TMEM131: variants seen among roughly 807,000 people sequenced by gnomAD.
TMEM131 encodes 2610524E03Rik.
TMEM131 carries 66 observed loss-of-function variants against 211.6 expected under a neutral mutation model. The ratio of observed to expected loss-of-function variants is 0.31; its 90% CI spans 0.26 to 0.38. The LOEUF is 0.38. TMEM131 is among the 10% of genes least tolerant of loss of function. The pLI is 1.00. For missense variants in TMEM131, 2,036 were observed against 2,299.3 expected (o/e 0.89, Z 2.34); for synonymous variants, 844 against 841.3 (o/e 1.00, Z -0.06).
chr2:97,765,970 T>C, intron 35 of TMEM131, 144 bp downstream of exon 35: 2 of 983,976 alleles, frequency 2.0e-6, no homozygotes, highest in Non-Finnish European at 3.0e-6. Context: ...AGCCACTGAT[T>C]AGGCTAGTTA....
At chr2:97,889,055 A>G (rs1224607934) in intron 3 of TMEM131, among the ~76,000 whole-genome samples, 1 of 152,220 alleles carries the variant, frequency 6.6e-6, no homozygotes, top group Non-Finnish European at 1.5e-5. Context: ...AAATAATTAG[A>G]AATAGACAAG....
intron 1 of TMEM131, among the ~76,000 whole-genome samples, chr2:97,970,065 T>C (rs947685016): frequency 5.9e-5 from 9 of 152,230 alleles, no homozygotes; most frequent in Admixed American, 5.2e-4. Context: ...TCCAGAAACG[T>C]GCTATTGTGA....
intron 5 of TMEM131, among the ~76,000 whole-genome samples, chr2:97,857,388 T>G (rs1180568257): frequency 2.0e-5 from 3 of 152,124 alleles, no homozygotes; most frequent in African/African-American, 7.2e-5. Context: ...AGTTTAAGAA[T>G]CTGTTTGCAA....
At chr2:97,943,037 A>AAAAGAAAAGAAAAGAAAAGAAAAG (rs1559464422) in intron 1 of TMEM131, among the ~76,000 whole-genome samples, 10 of 66,050 alleles carry the variant, frequency 1.5e-4, no homozygotes, top group South Asian at 5.0e-4. Flanking sequence ...AAAAGAAAAG[A>AAAAGAAAAGAAAAGAAAAGAAAAG]AAAGAAAGAA....
rs1348470611 is a variant in TMEM131 at position 97,995,587 on chromosome 2, C to G, written c.76G>C (p.Glu26Gln). ...CCCCCGCTACGGGCGGCCGCAGGTT[C>G]CAGCCCGGCCCCGGCGGACGTGGAG... ...AVSTSAGAGL[E>Q]PAAARSGGPR... Residue 26 changes from glutamate to glutamine, a missense_variant, in exon 1 of 41, where the codon GAA becomes CAA. Around this residue, in one of 3 missense-constraint regions of TMEM131, gnomAD observed 136 missense variants for 115.4 expected, o/e 1.18. Transcript: ENST00000186436. The G allele has an allele frequency of 3.1e-6, 4 of 1,274,006 alleles. No homozygotes were observed. Among genetic ancestry groups the G allele is most frequent in the East Asian group, 3.2e-5 (1 of 31,214 alleles). The allele number at this position is 1,274,006 out of a possible 1,614,324, so 78.9% of individuals were successfully genotyped here. A position where few individuals can be genotyped will look rare whatever the true frequency, so the allele number is the denominator to read the frequency against.
chr2:97,845,774 A>AAT (rs35046843), intron 5 of TMEM131, among the ~76,000 whole-genome samples: 6 of 150,730 alleles, frequency 4.0e-5, no homozygotes, highest in Non-Finnish European at 8.9e-5. Context: ...AAAAAAAAAA[A>AAT]TCAATAAAAC....
intron 4 of TMEM131, among the ~76,000 whole-genome samples, chr2:97,869,378 T>G (rs1165886729): frequency 1.3e-5 from 2 of 152,196 alleles, no homozygotes; most frequent in African/African-American, 4.8e-5. Flanking sequence ...TGGATCAGAA[T>G]GCTTGATCTG....
chr2:97,936,275 G>A (rs1227128547), intron 1 of TMEM131, among the ~76,000 whole-genome samples: 1 of 152,220 alleles, frequency 6.6e-6, no homozygotes, highest in Non-Finnish European at 1.5e-5. Context: ...GTCCACAGGG[G>A]CTGTAAAAAG....
chr2:97,862,979 A>C (rs1260797188), intron 4 of TMEM131, among the ~76,000 whole-genome samples: 1 of 152,198 alleles, frequency 6.6e-6, no homozygotes, highest in Non-Finnish European at 1.5e-5. Flanking sequence ...GGATCCTAAA[A>C]TTAACAAGAG....
intron 4 of TMEM131, among the ~76,000 whole-genome samples, chr2:97,874,829 C>G (rs1273614778): frequency 1.3e-5 from 2 of 152,120 alleles, no homozygotes; most frequent in Non-Finnish European, 2.9e-5. Context: ...GGCAAACAAC[C>G]AGCTAGCATC....
Position 97,812,689 on chromosome 2 carries a change from T to C in TMEM131, c.1678A>G (p.Thr560Ala), listed in dbSNP as rs532209209. The C allele has an allele frequency of 8.8e-4, 1,417 of 1,602,298 alleles. 26 individuals carry two copies. The South Asian group carries it at 0.015, about 17-fold the overall frequency. ...RFIDFGVLSA[T>A]EASNILFAII... ...GCAAATAAAATATTACTTGCTTCTG[T>C]AGCACTCAGTACTCCAAAATCTATG... The change falls in exon 16 of 41, where the codon ACA becomes GCA. Residue 560 changes from threonine (T) to alanine (A), a missense_variant. Physicochemically the swap from Thr to Ala is moderately conservative, Grantham distance 58 (BLOSUM62 0). Around this residue, in one of 3 missense-constraint regions of TMEM131, gnomAD observed 1,623 missense variants for 1,805.9 expected, o/e 0.90. Transcript: ENST00000186436.
chr2:97,824,023 CT>C (rs1455170106), intron 11 of TMEM131, among the ~76,000 whole-genome samples: 1 of 152,178 alleles, frequency 6.6e-6, no homozygotes. Context: ...AGGCCACAGC[CT>C]TAGTCAAGGC....
chr2:97,906,091 C>T (rs1676055619), intron 3 of TMEM131, among the ~76,000 whole-genome samples: 1 of 152,172 alleles, frequency 6.6e-6, no homozygotes, highest in African/African-American at 2.4e-5. Flanking sequence ...TATCAAGACA[C>T]CTAAGGTATA....
chr2:97,788,764 G>A (rs954120984), intron 31 of TMEM131, among the ~76,000 whole-genome samples: 1 of 152,194 alleles, frequency 6.6e-6, no homozygotes, highest in East Asian at 1.9e-4. Context: ...CAGGGTGCAC[G>A]AGAAATTGTG....
At chr2:97,953,768 A>G (rs1678435156) in intron 1 of TMEM131, among the ~76,000 whole-genome samples, 1 of 152,154 alleles carries the variant, frequency 6.6e-6, no homozygotes, top group South Asian at 2.1e-4. Flanking sequence ...CATAAAACAA[A>G]CCCCAACTAT....
chr2:97,972,124 C>T (rs1679323770), intron 1 of TMEM131, among the ~76,000 whole-genome samples: 1 of 152,082 alleles, frequency 6.6e-6, no homozygotes, highest in African/African-American at 2.4e-5. Flanking sequence ...AGGAGAATCC[C>T]TTGAACCTGG....
At chr2:97,791,676 T>G (rs1680503068) in intron 31 of TMEM131, among the ~76,000 whole-genome samples, 1 of 152,246 alleles carries the variant, frequency 6.6e-6, no homozygotes, top group South Asian at 2.1e-4. Flanking sequence ...CCCGCTAAGC[T>G]GTACTCATGT....
At chr2:97,804,378 G>C (rs1681188560) in intron 22 of TMEM131, among the ~76,000 whole-genome samples, 1 of 152,032 alleles carries the variant, frequency 6.6e-6, no homozygotes, top group Non-Finnish European at 1.5e-5. Flanking sequence ...GAAAGGAAGG[G>C]GGTGGGCTGG....
At chr2:97,813,869 A>G in intron 15 of TMEM131, 102 bp downstream of exon 15, 2 of 965,280 alleles carry the variant, frequency 2.1e-6, no homozygotes, top group Non-Finnish European at 2.9e-6. Context: ...TTTGCAGAGC[A>G]CAAATAATGG....
Sources: allele counts gnomAD v4.1 joint callset (sites outside exome capture counted in the v4.1 genomes callset), GRCh38; gene constraint gnomAD v4.1.1; regional missense constraint gnomAD v4.1.1; transcripts MANE v1.5; gene names NCBI Gene and HGNC (gene_info 2026-07-23, HGNC 2026-07-21).